The following LCN6 variants were observed in gnomAD, a reference collection of about 807,000 sequenced individuals.
LCN6 encodes the protein lipocalin 6, also known as epididymal-specific lipocalin-6.
In LCN6, 20 loss-of-function variants were observed where a neutral mutation model predicts 21.4. The observed-to-expected ratio is 0.93, with a 90% CI of 0.66 to 1.36. The LOEUF is 1.36. Among genes scored for constraint, LCN6 ranks in the 40% most tolerant of loss-of-function variants. LCN6 has a pLI of 0.00. For missense variants in LCN6, 217 were observed against 206.6 expected, an observed-to-expected ratio of 1.05 and a Z score of -0.31; for synonymous variants, 96 against 89.0, an observed-to-expected ratio of 1.08 and a Z score of -0.44.
Position 136,747,411 on chromosome 9 carries a change from C to G in LCN6, c.230+13G>C, listed in dbSNP as rs767723172. ...CTGCCTGCGGGAAGGCCTGGCAGGA[C>G]CCGCCCACTCACCCGTGCTGAGAGG... On this transcript the variant is annotated intron_variant, in intron 2 of 6. Transcript: ENST00000341206. 6 of 1,611,420 alleles carry G rather than the reference C, an allele frequency of 3.7e-6. No individual in the cohort carries two copies. The highest frequency in any genetic ancestry group is 4.2e-6 in the Non-Finnish European group (5 of 1,179,300).
rs201930976 is a variant in LCN6 at position 136,747,394 on chromosome 9, G to A, written c.230+30C>T. 1.9e-4 allele frequency: 309 copies of A among 1,608,488 alleles called. No homozygotes were observed. The Middle Eastern group carries it at 8.3e-3, about 43-fold the overall frequency. On this transcript the variant is annotated intron_variant, in intron 2 of 6. Coordinates refer to ENST00000341206, the MANE Select transcript of LCN6 (RefSeq NM_198946.3). ...GTGGCTGAGCCACAGTCCTGCCTGC[G>A]GGAAGGCCTGGCAGGACCCGCCCAC...
intron 1 of LCN6, 118 bp from the exon 2 acceptor site, chr9:136,747,681 A>AGCCCT (rs1564327582): frequency 1.4e-6 from 1 of 738,078 alleles, no homozygotes; most frequent in African/African-American, 3.6e-5. Context: ...CCACCCTCCA[A>AGCCCT]CCATCCAGCC....
In LCN6 at chr9:136,747,417, C is replaced by T. The variant is rs779580975; in HGVS notation, c.230+7G>A. The T allele has an allele frequency of 1.2e-6, 2 of 1,612,110 alleles. No individual in the cohort carries two copies. Among genetic ancestry groups the T allele is most frequent in the Non-Finnish European group, 1.7e-6 (2 of 1,179,502 alleles). ...GCGGGAAGGCCTGGCAGGACCCGCC[C>T]ACTCACCCGTGCTGAGAGGACAGCG... On this transcript the variant is annotated splice_region_variant and intron_variant, in intron 2 of 6. Transcript: ENST00000341206.
Position 136,744,748 on chromosome 9 carries a change from G to A in LCN6, c.413-7C>T, listed in dbSNP as rs765440917. 1.3e-5 allele frequency: 21 copies of A among 1,602,550 alleles called. No individual in the cohort carries two copies. In the South Asian group the frequency reaches 1.7e-4, roughly 13 times the overall value. On this transcript the variant is annotated splice_region_variant and splice_polypyrimidine_tract_variant and intron_variant, in intron 4 of 6. Coordinates refer to ENST00000341206, the MANE Select transcript of LCN6 (RefSeq NM_198946.3). This position sits in a 1 kb window ranked among gnomAD's most constrained non-coding sequence, Gnocchi z 4.2. ...CTGGCTGTCTCCGTCAGACCTGGGG[G>A]CACCAGGGCAGTGCAGGGGGAAGCA...
intron 3 of LCN6, 148 bp from the exon 4 acceptor site, chr9:136,745,428 C>A (rs1477979856): frequency 1.6e-6 from 1 of 636,048 alleles, no homozygotes; most frequent in Non-Finnish European, 2.8e-6. Context: ...ACCCAGAGCC[C>A]CCAAGCTTTG....
At position 136,745,167 on chromosome 9, in the gene LCN6, T is replaced by C; in HGVS notation, c.412+3A>G. The stretch of plus-strand genomic sequence containing the variant: ...CTACGTGGGCCCCGCACAGCACACT[T>C]ACTGTACAGCTCCACGGTGTTGAAG... On this transcript the variant is annotated splice_donor_region_variant and intron_variant, in intron 4 of 6. Coordinates refer to ENST00000341206, the MANE Select transcript of LCN6 (RefSeq NM_198946.3). 1.3e-6 allele frequency: 2 copies of C among 1,596,628 alleles called. No individual in the cohort carries two copies. Among genetic ancestry groups the C allele is most frequent in the Non-Finnish European group, 1.7e-6 (2 of 1,164,852 alleles).
chr9:136,747,519 C>T lies in LCN6; in HGVS notation c.135G>A (p.Lys45=). 6.2e-7 allele frequency: 1 copy of T among 1,613,332 alleles called. No individual in the cohort carries two copies. The highest frequency in any genetic ancestry group is 1.7e-5 in the Admixed American group (1 of 59,996). ...TCATGTCCTTCTCCATGGCAAAGCC[C>T]TTTTCCCGGGAGGCCACCGCAAGCA... ...WYVLAVASRE[K]GFAMEKDMKN... Residue 45 remains lysine, a synonymous_variant, in exon 2 of 7, where the codon AAG becomes AAA. Coordinates refer to ENST00000341206, the MANE Select transcript of LCN6 (RefSeq NM_198946.3).
In LCN6 at chr9:136,745,293, A is replaced by AC. The variant is rs760960807; in HGVS notation, c.302-14dup. 6 of 1,568,042 alleles carry AC rather than the reference A, an allele frequency of 3.8e-6. No individual in the cohort carries two copies. The highest frequency in any genetic ancestry group is 5.2e-6 in the Non-Finnish European group (6 of 1,145,340). ...AGCACGCCTATTGCTAGGAAACAAA[A>AC]CCCCCCGCCTCAGGGGAGGGCAGCT... On this transcript the variant is annotated splice_polypyrimidine_tract_variant and intron_variant, in intron 3 of 6. Coordinates refer to ENST00000341206, the MANE Select transcript of LCN6 (RefSeq NM_198946.3).
Position 136,745,187 on chromosome 9 carries a change from T to C in LCN6, c.395A>G (p.Asn132Ser). ...TQLEFGDEPF[N>S]TVELYSLTET... ...ACACTTACTGTACAGCTCCACGGTG[T>C]TGAAGGGCTCGTCCCCGAACTCCAG... Residue 132 changes from asparagine (N) to serine (S), a missense_variant, in exon 4 of 7, where the codon AAC becomes AGC. Transcript: ENST00000341206. The C allele has an allele frequency of 6.2e-7, 1 of 1,612,392 alleles. No homozygotes were observed. Among genetic ancestry groups the C allele is most frequent in the Non-Finnish European group, 8.5e-7 (1 of 1,178,810 alleles).
Position 136,745,166 on chromosome 9 carries a change from T to C in LCN6, c.412+4A>G, listed in dbSNP as rs753453930. Reference sequence around the variant, plus strand: ...CCTACGTGGGCCCCGCACAGCACACTTACTGTACAGCTCCACGGTGTTGAA... The same window carrying C: ...CCTACGTGGGCCCCGCACAGCACACCTACTGTACAGCTCCACGGTGTTGAA... On this transcript the variant is annotated splice_donor_region_variant and intron_variant, in intron 4 of 6. Coordinates refer to ENST00000341206, the MANE Select transcript of LCN6 (RefSeq NM_198946.3). 6.3e-7 allele frequency: 1 copy of C among 1,589,798 alleles called. No individual in the cohort carries two copies. Among genetic ancestry groups the C allele is most frequent in the Non-Finnish European group, 8.6e-7 (1 of 1,158,592 alleles).
chr9:136,744,838 C>G lies in LCN6; in HGVS notation c.413-97G>C. On this transcript the variant is annotated intron_variant, in intron 4 of 6. Coordinates refer to ENST00000341206, the MANE Select transcript of LCN6 (RefSeq NM_198946.3). This position sits in a 1 kb window ranked among gnomAD's most constrained non-coding sequence, Gnocchi z 4.2. ...AGGGTCAGGAAGGAGGCCACCTGCCCTGGGATGCTGGCCCCGGTCCTTCCA... is the reference window on the plus strand; with the variant it reads ...AGGGTCAGGAAGGAGGCCACCTGCCGTGGGATGCTGGCCCCGGTCCTTCCA... 1 of 872,222 alleles carries G rather than the reference C, an allele frequency of 1.1e-6. No homozygotes were observed. The highest frequency in any genetic ancestry group is 2.7e-5 in the East Asian group (1 of 37,608). 54.0% of individuals were successfully genotyped at this position (872,222 alleles called of 1,614,324 possible).
chr9:136,747,411 C>T lies in LCN6; in HGVS notation c.230+13G>A. 6.2e-7 allele frequency: 1 copy of T among 1,611,420 alleles called. No homozygotes were observed. Among genetic ancestry groups the T allele is most frequent in the Admixed American group, 1.7e-5 (1 of 59,936 alleles). On this transcript the variant is annotated intron_variant, in intron 2 of 6. Coordinates refer to ENST00000341206, the MANE Select transcript of LCN6 (RefSeq NM_198946.3). ...CTGCCTGCGGGAAGGCCTGGCAGGACCCGCCCACTCACCCGTGCTGAGAGG... is the reference window on the plus strand; with the variant it reads ...CTGCCTGCGGGAAGGCCTGGCAGGATCCGCCCACTCACCCGTGCTGAGAGG...
intron 2 of LCN6, 121 bp downstream of exon 2, chr9:136,747,303 G>C: frequency 8.9e-7 from 1 of 1,117,740 alleles, no homozygotes; most frequent in South Asian, 1.5e-5. Flanking sequence ...AGTGACGGGG[G>C]TGCAGAGGGG....
intron 1 of LCN6, among the ~76,000 whole-genome samples, chr9:136,747,870 CTTCCAACCCCCCAGA>C (rs1847069888): frequency 6.8e-6 from 1 of 147,520 alleles, no homozygotes; most frequent in African/African-American, 2.5e-5. Flanking sequence ...CAGCCTCCAG[CTTCCAACCCCCCAGA>C]CCTCCAACCC....
At chr9:136,747,801 G>A (rs916270966) in intron 1 of LCN6, among the ~76,000 whole-genome samples, 8 of 115,524 alleles carry the variant, frequency 6.9e-5, no homozygotes, top group East Asian at 2.6e-4. Flanking sequence ...CAACCCTCCC[G>A]CCCTCCAGCC....
intron 4 of LCN6, 72 bp downstream of exon 4, chr9:136,745,091 CCACACAG>C: frequency 6.7e-6 from 1 of 148,654 alleles, no homozygotes; most frequent in Non-Finnish European, 1.3e-5. Context: ...GGCCCACGCA[CCACACAG>C]CTCCCAACGT....
rs529867129 is a variant in LCN6, at chr9:136,747,272, T to C, written c.230+152A>G. 4.6e-6 allele frequency: 4 copies of C among 877,026 alleles called. No homozygotes were observed. In the African/African-American group the frequency reaches 6.8e-5, roughly 15 times the overall value. The allele number at this position is 877,026 out of a possible 1,614,324, so 54.3% of individuals were successfully genotyped here. ...TAGCTGGGCAGAGGGCTGGTGGCTC[T>C]GCACAGAGCCCAGTGGGAAAAGTGA... On this transcript the variant is annotated intron_variant, in intron 2 of 6. Transcript: ENST00000341206.
Position 136,745,891 on chromosome 9 carries a change from A to T in LCN6, c.254T>A (p.Val85Asp). The T allele has an allele frequency of 6.2e-7, 1 of 1,613,592 alleles. No individual in the cohort carries two copies. The highest frequency in any genetic ancestry group is 8.5e-7 in the Non-Finnish European group (1 of 1,179,908). The change falls in exon 3 of 7, where the codon GTC (valine) becomes GAC (aspartate). Residue 85 changes from valine to aspartate, a missense_variant. By Grantham distance (152) the Val-to-Asp change is radical (BLOSUM62 -3). Coordinates refer to ENST00000341206, the MANE Select transcript of LCN6 (RefSeq NM_198946.3). The part of the protein sequence containing the change: ...QHGLGGCDQS[V>D]MDLIKRNSGW... ...GGAGTTTCGCTTTATCAGGTCCATG[A>T]CACTCTGGTCACACCCTCCCAGCCT...
At chr9:136,747,385 C>T (rs1467251809) in intron 2 of LCN6, 39 bp downstream of exon 2, 1 of 1,606,120 alleles carries the variant, frequency 6.2e-7, no homozygotes, top group Non-Finnish European at 8.5e-7. Flanking sequence ...GAGCCACAGT[C>T]CTGCCTGCGG....
Sources: allele counts gnomAD v4.1 joint callset (sites outside exome capture counted in the v4.1 genomes callset), GRCh38; gene constraint gnomAD v4.1.1; non-coding constraint Gnocchi (gnomAD v3.1); transcripts MANE v1.5; gene names NCBI Gene and HGNC (gene_info 2026-07-23, HGNC 2026-07-21).